The following ATP11A variants were observed in gnomAD, a reference collection of about 807,000 sequenced individuals.
The protein encoded by ATP11A is phospholipid-transporting ATPase IH.
In ATP11A, 81 loss-of-function variants were observed where a neutral mutation model predicts 154.4. That is an observed-to-expected ratio of 0.52 (90% CI 0.44 to 0.63). The LOEUF is 0.63. ATP11A is among the 30% of genes least tolerant of loss of function. The pLI is 0.00. For missense variants in ATP11A, 1,316 were observed against 1,474.3 expected, an observed-to-expected ratio of 0.89 and a Z score of 1.76; for synonymous variants, 623 against 585.9, an observed-to-expected ratio of 1.06 and a Z score of -0.91.
At chr13:112,874,552 A>T (rs2080654857) in intron 27 of ATP11A, among the ~76,000 whole-genome samples, 1 of 152,192 alleles carries the variant, frequency 6.6e-6, no homozygotes, top group African/African-American at 2.4e-5. Context: ...AGCCTCTGCC[A>T]CAGCCCTCTG....
At chr13:112,782,800 G>A (rs1332420753) in intron 1 of ATP11A, among the ~76,000 whole-genome samples, 3 of 152,214 alleles carry the variant, frequency 2.0e-5, no homozygotes, top group Admixed American at 6.5e-5. Context: ...ATGGCCAGCA[G>A]GCTCGCGGGG....
intron 1 of ATP11A, among the ~76,000 whole-genome samples, chr13:112,761,968 G>A (rs1191066336): frequency 6.6e-6 from 1 of 152,216 alleles, no homozygotes; most frequent in African/African-American, 2.4e-5. Context: ...CAGGCTGAGT[G>A]TCACACTCAC....
Position 112,711,899 on chromosome 13 carries a change from C to T in ATP11A, c.39+21444C>T, listed in dbSNP as rs530146707. ...CCCAGGAGCCTGGATGACTCACTTT[C>T]TGGAGCACATAGATAAGGAGCGGGT... On this transcript the variant is annotated intron_variant, in intron 1 of 29. Coordinates refer to ENST00000375645, the MANE Select transcript of ATP11A (RefSeq NM_015205.3). Among the ~76,000 whole-genome samples, 8 of 152,330 alleles carry T rather than the reference C, an allele frequency of 5.3e-5. No homozygotes were observed. The East Asian group carries it at 1.5e-3, about 29-fold the overall frequency.
chr13:112,766,143 T>C (rs2077071803), intron 1 of ATP11A, among the ~76,000 whole-genome samples: 1 of 152,086 alleles, frequency 6.6e-6, no homozygotes, highest in South Asian at 2.1e-4. Context: ...CCCACCTGCT[T>C]GAGGAAGGAA....
chr13:112,840,390 A>G (rs1488512231), intron 16 of ATP11A, among the ~76,000 whole-genome samples: 13 of 40,098 alleles, frequency 3.2e-4, no homozygotes, highest in East Asian at 1.5e-3. Context: ...CCATTCTCTC[A>G]TCCCCCCTGC....
At chr13:112,701,079 C>T (rs374214890) in intron 1 of ATP11A, among the ~76,000 whole-genome samples, 7 of 152,244 alleles carry the variant, frequency 4.6e-5, no homozygotes, top group African/African-American at 1.7e-4. Flanking sequence ...CAGGAGTGGC[C>T]GGCGGCCACC....
At chr13:112,799,877 T>C (rs2078088957) in intron 2 of ATP11A, among the ~76,000 whole-genome samples, 1 of 152,056 alleles carries the variant, frequency 6.6e-6, no homozygotes, top group African/African-American at 2.4e-5. Flanking sequence ...TAGAAATAAA[T>C]AAATAACAAA....
chr13:112,824,360 G>A lies in ATP11A; in HGVS notation c.807G>A (p.Thr269=), dbSNP rs141087263. Residue 269 remains threonine (T), a synonymous_variant, in exon 10 of 30, where the codon ACG becomes ACA. Transcript: ENST00000375645. ...TEKIFGVAIY[T]GMETKMALNY... ...TCTCTGTAGGTGTGGCTATTTACAC[G>A]GGAATGGAAACCAAGATGGCATTAA... 4.7e-4 allele frequency: 751 copies of A among 1,613,984 alleles called. 2 individuals carry two copies. Among genetic ancestry groups the A allele is most frequent in the Non-Finnish European group, 5.9e-4 (696 of 1,179,892 alleles).
intron 1 of ATP11A, among the ~76,000 whole-genome samples, chr13:112,748,686 T>C (rs751256867): frequency 4.6e-5 from 7 of 152,220 alleles, no homozygotes; most frequent in Non-Finnish European, 8.8e-5. Flanking sequence ...TTTTACATTA[T>C]AGTCATTTAT....
At chr13:112,720,616 G>C (rs1889045797) in intron 1 of ATP11A, among the ~76,000 whole-genome samples, 1 of 152,080 alleles carries the variant, frequency 6.6e-6, no homozygotes, top group Non-Finnish European at 1.5e-5. Context: ...GGAGTACAGT[G>C]GCATGATCTC....
chr13:112,812,318 C>T (rs950229063), intron 5 of ATP11A, among the ~76,000 whole-genome samples: 9 of 152,206 alleles, frequency 5.9e-5, no homozygotes, highest in Non-Finnish European at 1.0e-4. Context: ...CCCCTTCCTG[C>T]CCCCACTGGT....
chr13:112,845,746 A>T lies in ATP11A; in HGVS notation c.1809+3367A>T, dbSNP rs1328576626. Among the ~76,000 whole-genome samples the T allele has an allele frequency of 2.7e-4, 32 of 120,036 alleles. 2 individuals are homozygous for T. The highest frequency in any genetic ancestry group is 1.2e-3 in the African/African-American group (30 of 24,100). The allele number at this position is 120,036 out of a possible 152,430, so 78.7% of individuals were successfully genotyped here. A position where few individuals can be genotyped will look rare whatever the true frequency, so the allele number is the denominator to read the frequency against. On this transcript the variant is annotated intron_variant, in intron 17 of 29. Coordinates refer to ENST00000375645, the MANE Select transcript of ATP11A (RefSeq NM_015205.3). Reference sequence around the variant, plus strand: ...AGTCCAGTTACCAGGCACTAGCGGTACTAACCAGTCCAGTTGCCGGCACTA... The same window carrying T: ...AGTCCAGTTACCAGGCACTAGCGGTTCTAACCAGTCCAGTTGCCGGCACTA...
At chr13:112,864,149 G>C (rs1188591203) in intron 25 of ATP11A, among the ~76,000 whole-genome samples, 1 of 106,768 alleles carries the variant, frequency 9.4e-6, no homozygotes, top group African/African-American at 3.4e-5. Context: ...TTCCCAGCGG[G>C]GTCCATCACC....
chr13:112,741,676 T>G (rs1488217303), intron 1 of ATP11A, among the ~76,000 whole-genome samples: 2 of 152,150 alleles, frequency 1.3e-5, no homozygotes, highest in Non-Finnish European at 2.9e-5. Context: ...CTTAGTCGTT[T>G]GTTCCCGCCA....
intron 25 of ATP11A, among the ~76,000 whole-genome samples, chr13:112,863,650 G>C (rs1299828388): frequency 1.4e-5 from 2 of 146,270 alleles, no homozygotes; most frequent in Non-Finnish European, 3.0e-5. Context: ...AGCCCATGCA[G>C]CTTCCCAGCG....
intron 1 of ATP11A, among the ~76,000 whole-genome samples, chr13:112,706,771 G>A (rs758028455): frequency 4.9e-4 from 74 of 152,246 alleles, no homozygotes; most frequent in East Asian, 5.8e-4. Context: ...TTAAAGGACG[G>A]CATGGTTTCA....
chr13:112,770,413 AAAAAGG>A (rs2077197911), intron 1 of ATP11A, among the ~76,000 whole-genome samples: 1 of 152,204 alleles, frequency 6.6e-6, no homozygotes, highest in Non-Finnish European at 1.5e-5. Flanking sequence ...GAAGAAAAGA[AAAAAGG>A]AAGGAGAGAA....
intron 4 of ATP11A, among the ~76,000 whole-genome samples, chr13:112,808,792 CG>C (rs1051732233): frequency 8.5e-5 from 13 of 152,190 alleles, no homozygotes; most frequent in African/African-American, 3.1e-4. Flanking sequence ...CCTGCCAGAG[CG>C]GCCTTTCCCT....
intron 1 of ATP11A, among the ~76,000 whole-genome samples, chr13:112,721,046 C>T (rs944472600): frequency 6.6e-6 from 1 of 152,122 alleles, no homozygotes; most frequent in Non-Finnish European, 1.5e-5. Context: ...CCGCAGCCTC[C>T]AGGAGCTACT....
Sources: gnomAD v4.1 joint callset for allele counts (sites outside exome capture counted in the v4.1 genomes callset) on GRCh38, gnomAD v4.1.1 for gene constraint, MANE v1.5 for transcripts, NCBI Gene and HGNC (gene_info 2026-07-23, HGNC 2026-07-21) for gene names.